The following TBC1D5 variants were observed in gnomAD, a reference collection of about 807,000 sequenced individuals.
The protein encoded by TBC1D5 is TBC1 domain family, member 5.
A neutral mutation model predicts 100.3 loss-of-function variants in TBC1D5; 75 were observed. The observed-to-expected ratio is 0.75, with a 90% confidence interval of 0.62 to 0.91. The LOEUF (loss-of-function observed/expected upper bound fraction) is 0.91, where lower values mean the gene tolerates loss of function less well. Among genes scored for constraint, TBC1D5 ranks in the 40% least tolerant of loss-of-function variants. TBC1D5 has a pLI of 0.00. For synonymous variants in TBC1D5, 323 were observed against 325.6 expected (o/e 0.99, Z 0.09); for missense variants, 910 against 942.4 (o/e 0.97, Z 0.45).
intron 17 of TBC1D5, among the ~76,000 whole-genome samples, chr3:17,223,230 T>C (rs939121071): frequency 1.3e-5 from 2 of 152,172 alleles, no homozygotes; most frequent in African/African-American, 4.8e-5. Context: ...GACCCAAAAA[T>C]CTTTTCTTTG....
chr3:17,289,042 C>T (rs542355130), intron 15 of TBC1D5, among the ~76,000 whole-genome samples: 77 of 152,316 alleles, frequency 5.1e-4, no homozygotes, highest in Non-Finnish European at 1.0e-3. Flanking sequence ...TCTGGGGCTT[C>T]GGGGTTGTGG....
intron 13 of TBC1D5, among the ~76,000 whole-genome samples, chr3:17,362,359 C>A (rs1245188779): frequency 1.3e-5 from 2 of 152,028 alleles, no homozygotes; most frequent in Non-Finnish European, 2.9e-5. Flanking sequence ...GGACAATTTG[C>A]AAATGCAAAT....
At chr3:17,211,653 G>C (rs968400371) in intron 18 of TBC1D5, among the ~76,000 whole-genome samples, 1 of 152,150 alleles carries the variant, frequency 6.6e-6, no homozygotes, top group Non-Finnish European at 1.5e-5. Flanking sequence ...GCCTACCACT[G>C]ACTTAAGGTT....
At chr3:17,176,161 C>A (rs1240364147) in intron 19 of TBC1D5, among the ~76,000 whole-genome samples, 2 of 152,186 alleles carry the variant, frequency 1.3e-5, no homozygotes, top group Admixed American at 1.3e-4. Flanking sequence ...ACCAAGTATG[C>A]AGAGCATGCT....
At chr3:17,472,789 C>T (rs922899580) in intron 3 of TBC1D5, among the ~76,000 whole-genome samples, 4 of 152,206 alleles carry the variant, frequency 2.6e-5, no homozygotes, top group Non-Finnish European at 4.4e-5. Flanking sequence ...TCTGGGAGCA[C>T]ATAAGTTTAA....
chr3:17,544,023 A>T (rs1267599478), intron 2 of TBC1D5, among the ~76,000 whole-genome samples: 1 of 151,932 alleles, frequency 6.6e-6, no homozygotes, highest in Non-Finnish European at 1.5e-5. Context: ...ACGCACCACC[A>T]TGCCCAGCTA....
At chr3:17,602,398 C>T (rs115112282) in intron 2 of TBC1D5, among the ~76,000 whole-genome samples, 2,502 of 151,978 alleles carry the variant, frequency 0.016, 50 homozygotes, top group South Asian at 0.047. Context: ...ATACACGATC[C>T]CTGGTGCTCA....
At chr3:17,252,658 G>C (rs887618244) in intron 16 of TBC1D5, among the ~76,000 whole-genome samples, 4 of 152,172 alleles carry the variant, frequency 2.6e-5, no homozygotes, top group Admixed American at 2.0e-4. Flanking sequence ...ATCTCTACCA[G>C]GGATCAGGAT....
At chr3:17,624,145 G>A (rs1424633250) in intron 1 of TBC1D5, among the ~76,000 whole-genome samples, 1 of 152,104 alleles carries the variant, frequency 6.6e-6, no homozygotes, top group African/African-American at 2.4e-5. Flanking sequence ...GCACAGCACT[G>A]TCATTTAGCA....
At chr3:17,690,205 T>A (rs1411428029) in intron 1 of TBC1D5, among the ~76,000 whole-genome samples, 1 of 22,910 alleles carries the variant, frequency 4.4e-5, no homozygotes, top group African/African-American at 1.3e-4. Flanking sequence ...AATAGCCATA[T>A]TTTTTTTTTT....
chr3:17,467,928 T>C (rs2095327709), intron 3 of TBC1D5, among the ~76,000 whole-genome samples: 1 of 152,152 alleles, frequency 6.6e-6, no homozygotes, highest in Admixed American at 6.5e-5. Context: ...AATATCTTCA[T>C]GTGTTTCCAA....
exon 17 of TBC1D5, chr3:17,238,296 G>T: frequency 6.2e-7 from 1 of 1,614,032 alleles, no homozygotes. Context: ...TACTGCTGTT[G>T]CCTCCAGGTA....
chr3:17,691,323 A>G (rs887451136), intron 1 of TBC1D5, among the ~76,000 whole-genome samples: 1 of 152,110 alleles, frequency 6.6e-6, no homozygotes, highest in Non-Finnish European at 1.5e-5. Context: ...CATCTCTATA[A>G]TTTTGTCACT....
At chr3:17,691,310 T>C (rs1361474999) in intron 1 of TBC1D5, among the ~76,000 whole-genome samples, 1 of 152,222 alleles carries the variant, frequency 6.6e-6, no homozygotes, top group African/African-American at 2.4e-5. Context: ...TTAATCTGTA[T>C]TCCATCTCTA....
chr3:17,496,981 G>C (rs967820582), intron 3 of TBC1D5, among the ~76,000 whole-genome samples: 3 of 152,076 alleles, frequency 2.0e-5, no homozygotes, highest in Admixed American at 2.0e-4. Flanking sequence ...CAGCCACAGT[G>C]ATCTTCTTCA....
chr3:17,383,493 C>T (rs2093030787), intron 9 of TBC1D5, among the ~76,000 whole-genome samples: 1 of 152,050 alleles, frequency 6.6e-6, no homozygotes, highest in South Asian at 2.1e-4. Context: ...AAGAAACTTT[C>T]TGAAGTTCTA....
At chr3:17,659,598 A>G (rs2066451586) in intron 1 of TBC1D5, among the ~76,000 whole-genome samples, 1 of 152,178 alleles carries the variant, frequency 6.6e-6, no homozygotes, top group Admixed American at 6.5e-5. Flanking sequence ...GCACTTTGAC[A>G]TATGAACAGC....
chr3:17,339,739 C>A (rs779173563), intron 13 of TBC1D5, among the ~76,000 whole-genome samples: 1 of 152,114 alleles, frequency 6.6e-6, no homozygotes, highest in Non-Finnish European at 1.5e-5. Context: ...ATGACATTTG[C>A]AGTGAATTTA....
chr3:17,209,896 T>C (rs2072725191), intron 18 of TBC1D5, among the ~76,000 whole-genome samples: 1 of 152,208 alleles, frequency 6.6e-6, no homozygotes, highest in Non-Finnish European at 1.5e-5. Context: ...CTGGGCTTGC[T>C]ACTACTTTCT....
Sources: gnomAD v4.1 joint callset for allele counts (sites outside exome capture counted in the v4.1 genomes callset) on GRCh38, gnomAD v4.1.1 for gene constraint, MANE v1.5 for transcripts, NCBI Gene and HGNC (gene_info 2026-07-23, HGNC 2026-07-21) for gene names.